TPM3: variants seen among roughly 807,000 people sequenced by gnomAD.
The protein encoded by TPM3 is tropomyosin alpha-3 chain.
A neutral mutation model predicts 43.1 loss-of-function variants in TPM3; 16 were observed. The observed-to-expected ratio is 0.37, with a 90% CI of 0.25 to 0.56. The LOEUF (loss-of-function observed/expected upper bound fraction) is 0.56, where lower values mean the gene tolerates loss of function less well. Among genes scored for constraint, TPM3 ranks in the 20% least tolerant of loss-of-function variants. The pLI is 0.77. For synonymous variants in TPM3, 101 were observed against 116.9 expected, an observed-to-expected ratio of 0.86 and a Z score of 0.88; for missense variants, 176 against 337.2, an observed-to-expected ratio of 0.52 and a Z score of 3.74.
rs867320592 is a variant in TPM3 at position 154,174,378 on chromosome 1, A to G, written c.378-1177T>C. On this transcript the variant is annotated intron_variant, in intron 3 of 9. Coordinates refer to ENST00000651641, the MANE Select transcript of TPM3 (RefSeq NM_152263.4). Reference sequence around the variant, plus strand: ...TATTTAAATATATGTGTATATATATATATATATATATATATATATATATAT... The same window carrying G: ...TATTTAAATATATGTGTATATATATGTATATATATATATATATATATATAT... Among the ~76,000 whole-genome samples, 241 of 80,988 alleles carry G rather than the reference A, an allele frequency of 3.0e-3. 16 individuals carry two copies. The highest frequency in any genetic ancestry group is 9.2e-3 in the East Asian group (16 of 1,734). The allele number at this position is 80,988 out of a possible 152,430, so 53.1% of individuals were successfully genotyped here. A position where few individuals can be genotyped will look rare whatever the true frequency, so the allele number is the denominator to read the frequency against.
chr1:154,180,401 C>T (rs1018869209), intron 2 of TPM3, among the ~76,000 whole-genome samples: 3 of 152,212 alleles, frequency 2.0e-5, no homozygotes, highest in Non-Finnish European at 2.9e-5. Context: ...AGCAACCCCC[C>T]TCCCTTCCCA....
chr1:154,167,380 A>G lies in TPM3; in HGVS notation c.*557T>C, dbSNP rs1661097322. Reference sequence around the variant, plus strand: ...ACCGGTAAAAGGGTACAGAATGTGTATTGAGAGTCACTTCAATGGCTTCTC... The same window carrying G: ...ACCGGTAAAAGGGTACAGAATGTGTGTTGAGAGTCACTTCAATGGCTTCTC... On this transcript the variant is annotated 3_prime_UTR_variant, in exon 10 of 10. Transcript: ENST00000651641. 9.4e-7 allele frequency: 1 copy of G among 1,062,404 alleles called. No homozygotes were observed. Among genetic ancestry groups the G allele is most frequent in the Non-Finnish European group, 1.1e-6 (1 of 877,260 alleles). The allele number at this position is 1,062,404 out of a possible 1,614,324, so 65.8% of individuals were successfully genotyped here.
At chr1:154,159,096 AAG>A, downstream of TPM3, 1 of 778,662 alleles carries the variant, frequency 1.3e-6, no homozygotes, top group Non-Finnish European at 2.4e-6. Flanking sequence ...GGAGAGGAAA[AAG>A]AGGAGGAGAA....
intron 2 of TPM3, among the ~76,000 whole-genome samples, chr1:154,184,059 A>AT (rs1663270427): frequency 6.6e-6 from 1 of 150,670 alleles, no homozygotes; most frequent in South Asian, 2.1e-4. Context: ...TTTGTTTTTT[A>AT]TTTTTTGGGA....
chr1:154,157,636 G>A (rs151011619), downstream of TPM3: 146 of 778,088 alleles, frequency 1.9e-4, no homozygotes, highest in African/African-American at 1.5e-3. Context: ...GGACTGGGGC[G>A]TTCTACATCT....
intron 2 of TPM3, among the ~76,000 whole-genome samples, chr1:154,178,978 C>T (rs1275487382): frequency 1.3e-5 from 2 of 152,178 alleles, no homozygotes; most frequent in Non-Finnish European, 2.9e-5. Context: ...ATATGTCAAC[C>T]CCTCCAGGCA....
At position 154,164,045 on chromosome 1, in the gene TPM3, C is replaced by T. The variant is rs568349680; in HGVS notation, c.*3892G>A. On this transcript the variant is annotated 3_prime_UTR_variant, in exon 10 of 10. Transcript: ENST00000651641. Reference sequence around the variant, plus strand: ...CTCTTATGTCAACCTCTCTGCCTCACGCCCTAGAATTTTGTTTTCACCCAG... The same window carrying T: ...CTCTTATGTCAACCTCTCTGCCTCATGCCCTAGAATTTTGTTTTCACCCAG... 3.3e-5 allele frequency among the ~76,000 whole-genome samples: 5 copies of T among 152,244 alleles called. No homozygotes were observed. The highest frequency in any genetic ancestry group is 4.1e-4 in the South Asian group (2 of 4,822).
intron 2 of TPM3, chr1:154,182,937 C>A (rs577981719): frequency 1.9e-6 from 3 of 1,608,876 alleles, no homozygotes; most frequent in South Asian, 2.2e-5. Flanking sequence ...ATTCCGCTTG[C>A]CGGATACTCC....
chr1:154,190,362 T>C (rs1462578277), intron 2 of TPM3, among the ~76,000 whole-genome samples: 1 of 152,238 alleles, frequency 6.6e-6, no homozygotes, highest in Non-Finnish European at 1.5e-5. Flanking sequence ...ATGGTACTTT[T>C]CTTCTAAAAA....
downstream of TPM3, among the ~76,000 whole-genome samples, chr1:154,161,292 T>C (rs1660336668): frequency 6.6e-6 from 1 of 152,082 alleles, no homozygotes. Context: ...AAATAACAGG[T>C]GTTGAAATTT....
chr1:154,160,540 C>T (rs1332429511), downstream of TPM3, among the ~76,000 whole-genome samples: 3 of 152,198 alleles, frequency 2.0e-5, no homozygotes, highest in Non-Finnish European at 4.4e-5. Context: ...CTTTAACTTG[C>T]ACTCCCCATT....
intron 2 of TPM3, among the ~76,000 whole-genome samples, chr1:154,184,894 C>CA (rs2148286918): frequency 6.6e-6 from 1 of 151,838 alleles, no homozygotes; most frequent in African/African-American, 2.4e-5. Flanking sequence ...GTCTGGGTGA[C>CA]AGATTGAGAG....
chr1:154,174,368 G>GTGTGTATATATA (rs1389219269), intron 3 of TPM3, among the ~76,000 whole-genome samples: 7 of 46,354 alleles, frequency 1.5e-4, no homozygotes, highest in Admixed American at 3.3e-4. Context: ...AAATATATGT[G>GTGTGTATATATA]TATATATATA....
chr1:154,182,711 T>A (rs970780653), intron 2 of TPM3, among the ~76,000 whole-genome samples: 2 of 151,792 alleles, frequency 1.3e-5, no homozygotes, highest in Non-Finnish European at 1.5e-5. Flanking sequence ...AGGCACTGAA[T>A]GAATGAGGTG....
At chr1:154,173,232 C>T in intron 3 of TPM3, 31 bp from the exon 4 acceptor site, 22 of 1,585,450 alleles carry the variant, frequency 1.4e-5, no homozygotes, top group Non-Finnish European at 1.9e-5. Context: ...GCAATACTGA[C>T]ACCCTGAGGA....
At chr1:154,155,555 C>A (rs1571342839), downstream of TPM3, 2 of 235,318 alleles carry the variant, frequency 8.5e-6, no homozygotes, top group Admixed American at 5.5e-5. Context: ...CAGGAAATGC[C>A]AGACACTGGC....
chr1:154,174,407 T>TATATATATACACAC lies in TPM3; in HGVS notation c.378-1207_378-1206insGTGTGTATATATAT, dbSNP rs1261318136. On this transcript the variant is annotated intron_variant, in intron 3 of 9. Coordinates refer to ENST00000651641, the MANE Select transcript of TPM3 (RefSeq NM_152263.4). ...ATATATATATATATATATATATATA[T>TATATATATACACAC]ACACACAAAAATCCCATCCCAGCTT... Among the ~76,000 whole-genome samples, 206 of 72,678 alleles carry TATATATATACACAC rather than the reference T, an allele frequency of 2.8e-3. 5 individuals are homozygous for TATATATATACACAC. Among genetic ancestry groups the TATATATATACACAC allele is most frequent in the African/African-American group, 9.8e-3 (196 of 19,970 alleles). The allele number at this position is 72,678 out of a possible 152,430, so 47.7% of individuals were successfully genotyped here.
Position 154,166,574 on chromosome 1 carries a change from C to T in TPM3, c.*1363G>A. 8 of 1,053,664 alleles carry T rather than the reference C, an allele frequency of 7.6e-6. No individual in the cohort carries two copies. The highest frequency in any genetic ancestry group is 9.2e-6 in the Non-Finnish European group (8 of 871,990). 65.3% of individuals were successfully genotyped at this position (1,053,664 alleles called of 1,614,324 possible). ...CTAAAAGAAAAGCAAATTTTAAATACATACCCTGCTGGGAAACTAAAGTAC... is the reference window on the plus strand; with the variant it reads ...CTAAAAGAAAAGCAAATTTTAAATATATACCCTGCTGGGAAACTAAAGTAC... On this transcript the variant is annotated 3_prime_UTR_variant, in exon 10 of 10. Transcript: ENST00000651641.
intron 5 of TPM3, 118 bp downstream of exon 5, chr1:154,172,790 C>A (rs1282500319): frequency 3.1e-6 from 4 of 1,289,424 alleles, no homozygotes; most frequent in Non-Finnish European, 4.5e-6. Context: ...AGATGACTCC[C>A]ATTCCCTAGG....
Sources: allele counts gnomAD v4.1 joint callset (sites outside exome capture counted in the v4.1 genomes callset), GRCh38; gene constraint gnomAD v4.1.1; transcripts MANE v1.5; gene names NCBI Gene and HGNC (gene_info 2026-07-23, HGNC 2026-07-21).